The following NPC1 variants were observed in gnomAD, a reference collection of about 807,000 sequenced individuals.
NPC1 encodes the protein NPC intracellular cholesterol transporter 1, also known as Niemann-Pick C1 protein.
NPC1 carries 85 observed loss-of-function variants against 140.4 expected under a neutral mutation model. The ratio of observed to expected loss-of-function variants is 0.61; its 90% CI spans 0.51 to 0.72. The LOEUF is 0.72. NPC1 is among the 30% of genes least tolerant of loss of function. NPC1 has a pLI of 0.00. For synonymous variants in NPC1, 656 were observed against 624.8 expected (o/e 1.05, Z -0.74); for missense variants, 1,504 against 1,623.8 (o/e 0.93, Z 1.27).
intron 19 of NPC1, 115 bp from the exon 20 acceptor site, chr18:23,538,786 C>G: frequency 1.8e-6 from 2 of 1,113,102 alleles, no homozygotes; most frequent in Non-Finnish European, 2.7e-6. Flanking sequence ...GATTACTTTC[C>G]TTACTAGTGA....
chr18:23,520,343 C>G, downstream of NPC1: 4 of 1,542,224 alleles, frequency 2.6e-6, no homozygotes, highest in Non-Finnish European at 3.6e-6. Context: ...GGAGTCTGTG[C>G]TGCCCTTTCA....
chr18:23,551,864 G>T, intron 9 of NPC1, 137 bp from the exon 10 acceptor site: 1 of 734,816 alleles, frequency 1.4e-6, no homozygotes, highest in Non-Finnish European at 2.5e-6. Context: ...TCTCAGTTGA[G>T]TAATACAGCT....
chr18:23,507,846 GTGT>G (rs1392845092), intron 3 of NPC1: 1 of 584,802 alleles, frequency 1.7e-6, no homozygotes, highest in African/African-American at 1.9e-5. Flanking sequence ...TATCTTTCCT[GTGT>G]TTTGGTTGTC....
chr18:23,533,307 C>T (rs765324212), intron 24 of NPC1, 48 bp downstream of exon 24: 10 of 1,542,872 alleles, frequency 6.5e-6, no homozygotes, highest in Non-Finnish European at 9.0e-7. Context: ...AATTCCCTTT[C>T]AGTAATGTCC....
intron 1 of NPC1, among the ~76,000 whole-genome samples, chr18:23,574,304 A>G (rs1168662931): frequency 6.6e-6 from 1 of 152,070 alleles, no homozygotes; most frequent in Non-Finnish European, 1.5e-5. Flanking sequence ...AACGCACCTG[A>G]TCCTCTGCCT....
downstream of NPC1, among the ~76,000 whole-genome samples, chr18:23,527,098 CT>C (rs1291487596): frequency 2.6e-5 from 4 of 151,976 alleles, no homozygotes; most frequent in African/African-American, 9.7e-5. Flanking sequence ...GAATCCCCTA[CT>C]GAGGCCAGGC....
downstream of NPC1, among the ~76,000 whole-genome samples, chr18:23,525,242 G>A (rs1232471283): frequency 1.3e-5 from 2 of 151,238 alleles, no homozygotes; most frequent in South Asian, 2.1e-4. Flanking sequence ...CACTGTGCCC[G>A]GCCTAAAGAA....
chr18:23,533,490 A>G lies in NPC1; in HGVS notation c.3619T>C (p.Phe1207Leu), dbSNP rs140827681. 3 of 1,614,118 alleles carry G rather than the reference A, an allele frequency of 1.9e-6. No homozygotes were observed. The African/African-American group carries it at 4.0e-5, about 22-fold the overall frequency. ...SVFSGITLTK[F>L]GGIVVLAFAK... The stretch of plus-strand genomic sequence containing the variant: ...AAAGCCAACACCACAATCCCTCCAA[A>G]TTTTGTAAGTGTGATTCCACTGAAC... Residue 1207 changes from phenylalanine (F) to leucine (L), a missense_variant, in exon 24 of 25, where the codon TTT becomes CTT. Physicochemically the swap from Phe to Leu is conservative, Grantham distance 22. Coordinates refer to ENST00000269228, the MANE Select transcript of NPC1 (RefSeq NM_000271.5).
chr18:23,511,713 G>T (rs1172214973), intron 3 of NPC1, among the ~76,000 whole-genome samples: 1 of 151,514 alleles, frequency 6.6e-6, no homozygotes, highest in Non-Finnish European at 1.5e-5. Flanking sequence ...TTCTGACTGG[G>T]TAGTATTCCA....
At chr18:23,537,898 T>C (rs1337588376) in intron 20 of NPC1, among the ~76,000 whole-genome samples, 1 of 152,218 alleles carries the variant, frequency 6.6e-6, no homozygotes, top group African/African-American at 2.4e-5. Flanking sequence ...GTCAGATGTA[T>C]GTTCTTATGA....
At chr18:23,548,466 T>C (rs1327528551) in intron 10 of NPC1, among the ~76,000 whole-genome samples, 1 of 151,876 alleles carries the variant, frequency 6.6e-6, no homozygotes, top group African/African-American at 2.4e-5. Context: ...CTCCTCCCCA[T>C]ACTGTGACCA....
Position 23,532,098 on chromosome 18 carries a change from T to C in NPC1, c.*104A>G. 3 of 1,613,210 alleles carry C rather than the reference T, an allele frequency of 1.9e-6. No homozygotes were observed. Among genetic ancestry groups the C allele is most frequent in the Non-Finnish European group, 2.5e-6 (3 of 1,179,662 alleles). On this transcript the variant is annotated 3_prime_UTR_variant, in exon 25 of 25. Transcript: ENST00000269228. ...AAGCTGCTGCCAAACAACCGATGGT[T>C]GGCACCATCCGGTGTTCAACTTGGC...
chr18:23,575,696 G>A (rs535361385), intron 1 of NPC1, among the ~76,000 whole-genome samples: 1 of 140,836 alleles, frequency 7.1e-6, no homozygotes, highest in South Asian at 2.3e-4. Context: ...CTGAGCCCAG[G>A]AAATTTGGGC....
intron 14 of NPC1, among the ~76,000 whole-genome samples, chr18:23,541,775 G>C (rs567518424): frequency 1.3e-5 from 2 of 152,284 alleles, no homozygotes; most frequent in African/African-American, 4.8e-5. Context: ...GTGCTTCACT[G>C]TAAGAAATGG....
intron 1 of NPC1, among the ~76,000 whole-genome samples, chr18:23,575,425 G>A (rs191019741): frequency 9.2e-5 from 14 of 152,218 alleles, no homozygotes; most frequent in South Asian, 2.1e-4. Context: ...TGTGCTTGTT[G>A]AGCTGGATTG....
downstream of NPC1, among the ~76,000 whole-genome samples, chr18:23,517,741 A>G (rs968063115): frequency 6.6e-6 from 1 of 150,696 alleles, no homozygotes; most frequent in African/African-American, 2.4e-5. Context: ...TTTTTTTTGG[A>G]GAGTGTCGCT....
downstream of NPC1, chr18:23,529,571 G>A: frequency 7.0e-7 from 1 of 1,423,450 alleles, no homozygotes; most frequent in East Asian, 2.3e-5. Context: ...GTTGGATAGA[G>A]AGTTATATGC....
At position 23,532,151 on chromosome 18, in the gene NPC1, T is replaced by C. The variant is rs769376054; in HGVS notation, c.*51A>G. On this transcript the variant is annotated 3_prime_UTR_variant, in exon 25 of 25. Coordinates refer to ENST00000269228, the MANE Select transcript of NPC1 (RefSeq NM_000271.5). ...TGCCGATGCAGCACCCGTCCAGTGG[T>C]AAACCGACCGACCCTTAGACACAGT... 1 of 1,614,072 alleles carries C rather than the reference T, an allele frequency of 6.2e-7. No individual in the cohort carries two copies. The highest frequency in any genetic ancestry group is 1.1e-5 in the South Asian group (1 of 91,080).
At chr18:23,571,697 G>C (rs1451195503) in intron 3 of NPC1, among the ~76,000 whole-genome samples, 1 of 151,068 alleles carries the variant, frequency 6.6e-6, no homozygotes, top group African/African-American at 2.4e-5. Context: ...AAATTAGCTA[G>C]ACATGGTAGT....
Sources: allele counts gnomAD v4.1 joint callset (sites outside exome capture counted in the v4.1 genomes callset), GRCh38; gene constraint gnomAD v4.1.1; transcripts MANE v1.5; gene names NCBI Gene and HGNC (gene_info 2026-07-23, HGNC 2026-07-21).